The following CNTNAP4 variants were observed in gnomAD, a reference collection of about 807,000 sequenced individuals.
CNTNAP4 encodes contactin associated protein family member 4, also known as contactin-associated protein-like 4.
Under a neutral mutation model 148.4 loss-of-function variants are expected in CNTNAP4, and 98 were observed. The ratio of observed to expected loss-of-function variants is 0.66; its 90% CI spans 0.56 to 0.78. CNTNAP4 has a LOEUF of 0.78. Among genes scored for constraint, CNTNAP4 ranks in the 30% least tolerant of loss-of-function variants. CNTNAP4 has a pLI of 0.00. For missense variants in CNTNAP4, 1,935 were observed against 1,565.6 expected, an observed-to-expected ratio of 1.24 and a Z score of -3.98; for synonymous variants, 730 against 565.1, an observed-to-expected ratio of 1.29 and a Z score of -4.14.
intron 2 of CNTNAP4, among the ~76,000 whole-genome samples, chr16:76,322,367 T>C (rs925257776): frequency 6.6e-6 from 1 of 152,308 alleles, no homozygotes; most frequent in African/African-American, 2.4e-5. Flanking sequence ...GTCACAGAAC[T>C]TGAGCCTCCC....
chr16:76,489,641 C>T lies in CNTNAP4; in HGVS notation c.1883-45C>T, dbSNP rs368517109. ...CTTTATTTATTTTAACTTTTGCAGA[C>T]TAGTGATGGTCTCCTCTCTTTCTCC... On this transcript the variant is annotated intron_variant, in intron 12 of 23. Transcript: ENST00000611870. The T allele has an allele frequency of 2.0e-4, 217 of 1,083,584 alleles. 1 individual carries two copies. The highest frequency in any genetic ancestry group is 2.4e-4 in the Non-Finnish European group (188 of 787,814). 67.1% of individuals were successfully genotyped at this position (1,083,584 alleles called of 1,614,324 possible). A position where few individuals can be genotyped will look rare whatever the true frequency, so the allele number is the denominator to read the frequency against.
At chr16:76,432,928 C>G (rs1289557260) in intron 4 of CNTNAP4, among the ~76,000 whole-genome samples, 2 of 152,108 alleles carry the variant, frequency 1.3e-5, no homozygotes, top group Non-Finnish European at 2.9e-5. Flanking sequence ...CTGCATGATG[C>G]CTAGGGCAAT....
At chr16:76,532,224 A>T (rs1028568817) in intron 17 of CNTNAP4, among the ~76,000 whole-genome samples, 2 of 152,240 alleles carry the variant, frequency 1.3e-5, no homozygotes, top group African/African-American at 4.8e-5. Context: ...AAGAAAACGG[A>T]TAAGTCTTCT....
chr16:76,328,521 G>A (rs923285400), intron 2 of CNTNAP4, among the ~76,000 whole-genome samples: 6 of 152,298 alleles, frequency 3.9e-5, no homozygotes, highest in Admixed American at 1.3e-4. Flanking sequence ...TTATGGGATC[G>A]TGGAACGCAG....
intron 3 of CNTNAP4, among the ~76,000 whole-genome samples, chr16:76,389,494 C>G (rs2016779368): frequency 6.6e-6 from 1 of 152,192 alleles, no homozygotes; most frequent in Middle Eastern, 3.4e-3. Flanking sequence ...CCCTCTTTTG[C>G]CTAGGCTGGA....
intron 23 of CNTNAP4, among the ~76,000 whole-genome samples, chr16:76,557,092 A>G (rs1294197577): frequency 6.6e-6 from 1 of 152,216 alleles, no homozygotes; most frequent in Non-Finnish European, 1.5e-5. Flanking sequence ...TCTTAAGAAA[A>G]TGACATTAGT....
chr16:76,300,373 G>A (rs1959825735), intron 1 of CNTNAP4, among the ~76,000 whole-genome samples: 4 of 152,118 alleles, frequency 2.6e-5, no homozygotes, highest in African/African-American at 4.8e-5. Context: ...GACACAGGGA[G>A]GGGAACATCA....
chr16:76,401,130 G>T (rs542558426), intron 3 of CNTNAP4, among the ~76,000 whole-genome samples: 1 of 152,122 alleles, frequency 6.6e-6, no homozygotes, highest in Non-Finnish European at 1.5e-5. Flanking sequence ...GCTTTGGGCA[G>T]TACGGCCATT....
intron 3 of CNTNAP4, among the ~76,000 whole-genome samples, chr16:76,373,190 C>T (rs2015035784): frequency 6.7e-6 from 1 of 150,240 alleles, no homozygotes; most frequent in African/African-American, 2.4e-5. Flanking sequence ...ATATATTCCA[C>T]ATAAATAGGT....
chr16:76,453,798 C>T (rs7204860), intron 8 of CNTNAP4, among the ~76,000 whole-genome samples: 125,864 of 151,944 alleles, frequency 0.83, 52,743 homozygotes, highest in Non-Finnish European at 0.9. Context: ...AGTTTAAATA[C>T]GGAACCGAGA....
At chr16:76,447,776 G>C (rs1663342160) in intron 4 of CNTNAP4, among the ~76,000 whole-genome samples, 1 of 152,124 alleles carries the variant, frequency 6.6e-6, no homozygotes, top group Non-Finnish European at 1.5e-5. Context: ...TTTAAGGTAG[G>C]CTAGGCTAAA....
intron 1 of CNTNAP4, among the ~76,000 whole-genome samples, chr16:76,289,708 C>G (rs1277078748): frequency 6.6e-6 from 1 of 151,954 alleles, no homozygotes; most frequent in Non-Finnish European, 1.5e-5. Context: ...CATGTAGTGA[C>G]TACAGGCACC....
chr16:76,522,716 C>A (rs1284884494), intron 17 of CNTNAP4, among the ~76,000 whole-genome samples: 1 of 29,702 alleles, frequency 3.4e-5, no homozygotes, highest in African/African-American at 1.7e-4. Context: ...CTTTTCTTTT[C>A]TTTTCTTTTC....
chr16:76,298,522 GT>G (rs1959572199), intron 1 of CNTNAP4, among the ~76,000 whole-genome samples: 1 of 139,032 alleles, frequency 7.2e-6, no homozygotes, highest in East Asian at 2.0e-4. Flanking sequence ...GTGTGTGTGT[GT>G]GTGTGTGAGG....
In CNTNAP4 at chr16:76,373,277, A is replaced by G. The variant is rs138936341; in HGVS notation, c.390+17766A>G. Among the ~76,000 whole-genome samples the G allele has an allele frequency of 9.5e-4, 145 of 151,908 alleles. 19 individuals are homozygous for G. In the East Asian group the frequency reaches 0.024, roughly 25 times the overall value. On this transcript the variant is annotated intron_variant, in intron 3 of 23. Coordinates refer to ENST00000611870, the MANE Select transcript of CNTNAP4 (RefSeq NM_033401.5). ...TATTCCACATATATATGTGAAATATATTCCACATAAATATGTGAAATATAT... is the reference window on the plus strand; with the variant it reads ...TATTCCACATATATATGTGAAATATGTTCCACATAAATATGTGAAATATAT...
At chr16:76,294,523 T>G (rs1368780032) in intron 1 of CNTNAP4, among the ~76,000 whole-genome samples, 3 of 152,208 alleles carry the variant, frequency 2.0e-5, no homozygotes, top group Non-Finnish European at 4.4e-5. Flanking sequence ...ATTTTTCCAT[T>G]GACACTGATG....
intron 4 of CNTNAP4, among the ~76,000 whole-genome samples, chr16:76,435,164 C>G (rs1006210521): frequency 2.6e-5 from 4 of 152,150 alleles, no homozygotes; most frequent in Admixed American, 2.0e-4. Context: ...GGTTCTGGGT[C>G]TGTAAACTGG....
At chr16:76,533,770 ATGCC>A (rs901075738) in intron 17 of CNTNAP4, among the ~76,000 whole-genome samples, 1 of 152,156 alleles carries the variant, frequency 6.6e-6, no homozygotes, top group Admixed American at 6.6e-5. Context: ...AATTAACTCC[ATGCC>A]TACCATGCCC....
rs117081530 is a variant in CNTNAP4, at chr16:76,373,302, T to C, written c.390+17791T>C. Among the ~76,000 whole-genome samples the C allele has an allele frequency of 4.9e-3, 739 of 151,874 alleles. 29 individuals are homozygous for C. Among genetic ancestry groups the C allele is most frequent in the Non-Finnish European group, 7.9e-3 (538 of 67,838 alleles). On this transcript the variant is annotated intron_variant, in intron 3 of 23. Transcript: ENST00000611870. The stretch of plus-strand genomic sequence containing the variant: ...ATTCCACATAAATATGTGAAATATA[T>C]TCCACATAAATATGTGGAGTATATT...
Sources: gnomAD v4.1 joint callset for allele counts (sites outside exome capture counted in the v4.1 genomes callset) on GRCh38, gnomAD v4.1.1 for gene constraint, MANE v1.5 for transcripts, NCBI Gene and HGNC (gene_info 2026-07-23, HGNC 2026-07-21) for gene names.